The following RPL39L variants were observed in gnomAD, a reference collection of about 807,000 sequenced individuals.
The protein encoded by RPL39L is ribosomal protein L39 like.
For synonymous variants in RPL39L, 16 were observed against 20.1 expected, an observed-to-expected ratio of 0.80 and a Z score of 0.55; for missense variants, 48 against 58.9, an observed-to-expected ratio of 0.81 and a Z score of 0.61.
intron 2 of RPL39L, among the ~76,000 whole-genome samples, chr3:187,127,572 GCC>G (rs1720420300): frequency 6.6e-6 from 1 of 152,154 alleles, no homozygotes; most frequent in African/African-American, 2.4e-5. Flanking sequence ...ACACTTTAGT[GCC>G]TATTTTAATG....
At chr3:187,132,743 A>G (rs1560201227) in intron 1 of RPL39L, among the ~76,000 whole-genome samples, 1 of 152,186 alleles carries the variant, frequency 6.6e-6, no homozygotes, top group African/African-American at 2.4e-5. Context: ...AAGAACTACG[A>G]AATAATTTTT....
At chr3:187,137,824 A>G (rs1329126240) in intron 1 of RPL39L, among the ~76,000 whole-genome samples, 1 of 140,666 alleles carries the variant, frequency 7.1e-6, no homozygotes, top group Admixed American at 7.0e-5. Context: ...TCCGTCTCAA[A>G]AAAAAAAAAA....
chr3:187,131,352 CAT>C (rs1230065192), intron 1 of RPL39L, among the ~76,000 whole-genome samples: 1 of 152,128 alleles, frequency 6.6e-6, no homozygotes, highest in African/African-American at 2.4e-5. Context: ...GCCTGACCAA[CAT>C]GGTAAAACCC....
chr3:187,130,412 G>A (rs1424353733), intron 1 of RPL39L, among the ~76,000 whole-genome samples: 1 of 152,184 alleles, frequency 6.6e-6, no homozygotes, highest in Non-Finnish European at 1.5e-5. Flanking sequence ...AGGTGTTTGG[G>A]TCGTAGGAAT....
At chr3:187,128,871 C>T (rs1261482639) in intron 1 of RPL39L, among the ~76,000 whole-genome samples, 2 of 152,220 alleles carry the variant, frequency 1.3e-5, no homozygotes, top group African/African-American at 2.4e-5. Context: ...CTATAAACAT[C>T]ATGATACGTC....
chr3:187,139,204 T>G lies in RPL39L; in HGVS notation c.-93+9A>C, dbSNP rs1720642709. 1.3e-5 allele frequency: 2 copies of G among 152,426 alleles called. No homozygotes were observed. The highest frequency in any genetic ancestry group is 2.9e-5 in the Non-Finnish European group (2 of 68,236). The allele number at this position is 152,426 out of a possible 1,614,324, so 9.4% of individuals were successfully genotyped here. A position where few individuals can be genotyped will look rare whatever the true frequency, so the allele number is the denominator to read the frequency against. The stretch of plus-strand genomic sequence containing the variant: ...CCCTGGCGGCGGGTGAGGAGGAACC[T>G]TTACTTACCGGCGCCCTGGCCTCTG... On this transcript the variant is annotated intron_variant, in intron 1 of 2. Transcript: ENST00000296277.
chr3:187,121,568 C>T (rs1030965758), intron 2 of RPL39L, among the ~76,000 whole-genome samples: 23 of 152,140 alleles, frequency 1.5e-4, no homozygotes, highest in African/African-American at 5.1e-4. Flanking sequence ...CCTACTGTTC[C>T]TGACTTGATG....
rs148978597 is a variant in RPL39L, at chr3:187,136,594, A to G, written c.-93+2619T>C. On this transcript the variant is annotated intron_variant, in intron 1 of 2. Coordinates refer to ENST00000296277, the MANE Select transcript of RPL39L (RefSeq NM_052969.3). ...TTGTTTGATATGGATCGCATAGGATAAGAGTAGGTAGTGGTATTTTCTGGG... is the reference window on the plus strand; with the variant it reads ...TTGTTTGATATGGATCGCATAGGATGAGAGTAGGTAGTGGTATTTTCTGGG... Among the ~76,000 whole-genome samples the G allele has an allele frequency of 1.5e-3, 223 of 152,302 alleles. 1 individual carries two copies. In the East Asian group the frequency reaches 0.029, roughly 20 times the overall value.
At chr3:187,137,292 T>C (rs1720597256) in intron 1 of RPL39L, among the ~76,000 whole-genome samples, 1 of 149,230 alleles carries the variant, frequency 6.7e-6, no homozygotes, top group Non-Finnish European at 1.5e-5. Context: ...CAGGATCACC[T>C]GAGGTCAGGA....
chr3:187,128,116 A>G (rs1720428088), intron 1 of RPL39L, 54 bp from the exon 2 acceptor site: 1 of 152,218 alleles, frequency 6.6e-6, no homozygotes, highest in Non-Finnish European at 1.5e-5. Flanking sequence ...TACTATTTTC[A>G]GTTAAACCTT....
intron 1 of RPL39L, among the ~76,000 whole-genome samples, chr3:187,132,594 C>A (rs574024682): frequency 1.3e-5 from 2 of 152,246 alleles, no homozygotes; most frequent in East Asian, 3.9e-4. Flanking sequence ...CAGATGTTTC[C>A]CCCCGTATGG....
rs914803924 is a variant in RPL39L, at chr3:187,133,994, G to A, written c.-93+5219C>T. On this transcript the variant is annotated intron_variant, in intron 1 of 2. Coordinates refer to ENST00000296277, the MANE Select transcript of RPL39L (RefSeq NM_052969.3). ...CTTGGCATTTGATAAAATATTATGAGCATGAAAAAGAAAAAAACAACTCAT... is the reference window on the plus strand; with the variant it reads ...CTTGGCATTTGATAAAATATTATGAACATGAAAAAGAAAAAAACAACTCAT... 2.6e-5 allele frequency among the ~76,000 whole-genome samples: 4 copies of A among 151,910 alleles called. No individual in the cohort carries two copies. In the East Asian group the frequency reaches 7.7e-4, roughly 29 times the overall value.
intron 1 of RPL39L, among the ~76,000 whole-genome samples, chr3:187,134,360 G>T (rs1031392979): frequency 4.6e-5 from 7 of 151,828 alleles, no homozygotes. Context: ...AGTGCTGCTA[G>T]ATCTAGAGGG....
Position 187,121,347 on chromosome 3 carries a change from G to A in RPL39L, c.-28-19C>T. On this transcript the variant is annotated intron_variant, in intron 2 of 2. Coordinates refer to ENST00000296277, the MANE Select transcript of RPL39L (RefSeq NM_052969.3). ...CACACCACTATGGCGGAGAAAGGGAGAGAGAGACAGAGACAATATTACCAT... is the reference window on the plus strand; with the variant it reads ...CACACCACTATGGCGGAGAAAGGGAAAGAGAGACAGAGACAATATTACCAT... The A allele has an allele frequency of 6.3e-7, 1 of 1,591,316 alleles. No individual in the cohort carries two copies. The highest frequency in any genetic ancestry group is 8.6e-7 in the Non-Finnish European group (1 of 1,161,316).
chr3:187,132,739 T>C lies in RPL39L; in HGVS notation c.-92-4677A>G, dbSNP rs527248949. ...CTCCTATGCCAACAACCAGAAGAAC[T>C]ACGAAATAATTTTTCCTGAAACTCA... On this transcript the variant is annotated intron_variant, in intron 1 of 2. Coordinates refer to ENST00000296277, the MANE Select transcript of RPL39L (RefSeq NM_052969.3). 3.3e-5 allele frequency among the ~76,000 whole-genome samples: 5 copies of C among 152,214 alleles called. No individual in the cohort carries two copies. In the South Asian group the frequency reaches 1.0e-3, roughly 32 times the overall value.
intron 2 of RPL39L, among the ~76,000 whole-genome samples, chr3:187,127,147 T>C (rs1181483018): frequency 6.6e-6 from 1 of 152,168 alleles, no homozygotes; most frequent in South Asian, 2.1e-4. Flanking sequence ...GAATCAATGA[T>C]TAAAACAGAC....
chr3:187,125,696 C>T (rs957386500), intron 2 of RPL39L, among the ~76,000 whole-genome samples: 1 of 151,964 alleles, frequency 6.6e-6, no homozygotes, highest in Non-Finnish European at 1.5e-5. Flanking sequence ...ATATAAACCC[C>T]TAACTTTGGC....
At chr3:187,128,506 T>C (rs996655178) in intron 1 of RPL39L, among the ~76,000 whole-genome samples, 5 of 152,088 alleles carry the variant, frequency 3.3e-5, no homozygotes, top group African/African-American at 1.2e-4. Flanking sequence ...TTTTTTAATA[T>C]ACATTTCTTT....
At chr3:187,128,895 T>C (rs1452783262) in intron 1 of RPL39L, among the ~76,000 whole-genome samples, 2 of 152,240 alleles carry the variant, frequency 1.3e-5, no homozygotes, top group Non-Finnish European at 2.9e-5. Flanking sequence ...CGTCCATTTA[T>C]GTGGTAACAC....
Sources: allele counts gnomAD v4.1 joint callset (sites outside exome capture counted in the v4.1 genomes callset), GRCh38; gene constraint gnomAD v4.1.1; transcripts MANE v1.5; gene names NCBI Gene and HGNC (gene_info 2026-07-23, HGNC 2026-07-21).